The following CADPS variants were observed in gnomAD, a reference collection of about 807,000 sequenced individuals.
CADPS encodes calcium dependent secretion activator, also known as calcium-dependent secretion activator 1.
In CADPS, 57 loss-of-function variants were observed where a neutral mutation model predicts 167.3. That is an observed-to-expected ratio of 0.34 (90% CI 0.28 to 0.42). The LOEUF (loss-of-function observed/expected upper bound fraction) is 0.42, where lower values mean the gene tolerates loss of function less well. Among genes scored for constraint, CADPS ranks in the 20% least tolerant of loss-of-function variants. The pLI is 1.00. For missense variants in CADPS, 1,414 were observed against 1,738.1 expected (o/e 0.81, Z 3.32); for synonymous variants, 676 against 635.3 (o/e 1.06, Z -0.96).
At chr3:62,686,936 T>G (rs75268201) in intron 3 of CADPS, among the ~76,000 whole-genome samples, 6 of 152,064 alleles carry the variant, frequency 3.9e-5, no homozygotes. Flanking sequence ...CCTCCCCACA[T>G]AGTAATGCTC....
intron 1 of CADPS, among the ~76,000 whole-genome samples, chr3:62,819,642 A>C (rs2094805350): frequency 6.6e-6 from 1 of 152,120 alleles, no homozygotes; most frequent in Admixed American, 6.6e-5. Context: ...GTGATTAACG[A>C]TGGGGTTCTT....
At position 62,625,069 on chromosome 3, in the gene CADPS, G is replaced by A. The variant is rs1454180739; in HGVS notation, c.1325+20653C>T. ...CTTGGGTTGACTACAGCTTGTTGGA[G>A]GTGTGGGTAAGGCACTTAGGGTCTT... On this transcript the variant is annotated intron_variant, in intron 6 of 29. Coordinates refer to ENST00000383710, the MANE Select transcript of CADPS (RefSeq NM_003716.4). Among the ~76,000 whole-genome samples the A allele has an allele frequency of 1.3e-5, 2 of 150,512 alleles. 1 individual carries two copies. The highest frequency in any genetic ancestry group is 5.0e-5 in the African/African-American group (2 of 39,970).
chr3:62,522,575 T>A (rs2070953530), intron 13 of CADPS, among the ~76,000 whole-genome samples: 1 of 152,150 alleles, frequency 6.6e-6, no homozygotes, highest in South Asian at 2.1e-4. Flanking sequence ...CCCAGCATCA[T>A]CCTAATAAAC....
chr3:62,713,405 C>T (rs975460416), intron 3 of CADPS, among the ~76,000 whole-genome samples: 1 of 152,202 alleles, frequency 6.6e-6, no homozygotes, highest in Admixed American at 6.5e-5. Context: ...CCCACCAAGG[C>T]CTTGTCAATT....
chr3:62,530,178 TTTC>T (rs2151944049), intron 13 of CADPS, among the ~76,000 whole-genome samples: 1 of 152,316 alleles, frequency 6.6e-6, no homozygotes, highest in African/African-American at 2.4e-5. Flanking sequence ...TTGAGATGAA[TTTC>T]TTTTTATGAG....
chr3:62,835,959 C>T (rs575002748), intron 1 of CADPS, among the ~76,000 whole-genome samples: 1 of 152,164 alleles, frequency 6.6e-6, no homozygotes, highest in Non-Finnish European at 1.5e-5. Flanking sequence ...CAAGCTTCTC[C>T]TTCCCTTATT....
In CADPS at chr3:62,417,282, T is replaced by C. The variant is rs1249272625; in HGVS notation, c.3778-14097A>G. On this transcript the variant is annotated intron_variant, in intron 28 of 29. Transcript: ENST00000383710. ...TAACTATTTTTCTTTTACTCTTTTTTTTTTTTTTTTTTTTTTTTTTTTGAG... is the reference window on the plus strand; with the variant it reads ...TAACTATTTTTCTTTTACTCTTTTTCTTTTTTTTTTTTTTTTTTTTTTGAG... Among the ~76,000 whole-genome samples, 33 of 125,444 alleles carry C rather than the reference T, an allele frequency of 2.6e-4. 4 individuals are homozygous for C. The highest frequency in any genetic ancestry group is 2.3e-3 in the East Asian group (10 of 4,352). 82.3% of individuals were successfully genotyped at this position (125,444 alleles called of 152,430 possible).
intron 1 of CADPS, among the ~76,000 whole-genome samples, chr3:62,785,378 G>C (rs2092318482): frequency 6.6e-6 from 1 of 152,140 alleles, no homozygotes; most frequent in Admixed American, 6.5e-5. Flanking sequence ...TCATTTGTTT[G>C]TGCCACACTG....
At chr3:62,540,832 A>C (rs2152094126) in intron 11 of CADPS, among the ~76,000 whole-genome samples, 1 of 152,254 alleles carries the variant, frequency 6.6e-6, no homozygotes, top group East Asian at 1.9e-4. Flanking sequence ...TGCTCCTTGC[A>C]ACTCCATTTT....
chr3:62,868,952 A>G (rs2082169468), intron 1 of CADPS, among the ~76,000 whole-genome samples: 1 of 152,122 alleles, frequency 6.6e-6, no homozygotes, highest in Non-Finnish European at 1.5e-5. Flanking sequence ...TCAGTTGTTC[A>G]TTAGTGGCAG....
At chr3:62,584,432 G>A (rs2084121540) in intron 8 of CADPS, among the ~76,000 whole-genome samples, 1 of 152,210 alleles carries the variant, frequency 6.6e-6, no homozygotes, top group Non-Finnish European at 1.5e-5. Flanking sequence ...TAGCCAGTTG[G>A]CAGCGTACCT....
rs570975642 is a variant in CADPS, at chr3:62,664,900, CTTAAT to C, written c.889-2511_889-2507del. On this transcript the variant is annotated intron_variant, in intron 3 of 29. Coordinates refer to ENST00000383710, the MANE Select transcript of CADPS (RefSeq NM_003716.4). ...ATGAGTAGGCAAGGTCTACATTAAG[CTTAAT>C]TTATTCTTTTATTCATTACTTCACT... is the stretch of plus-strand genomic sequence containing the variant. 2.7e-3 allele frequency among the ~76,000 whole-genome samples: 413 copies of C among 152,282 alleles called. 1 individual carries two copies. Among genetic ancestry groups the C allele is most frequent in the Non-Finnish European group, 3.7e-3 (250 of 68,012 alleles).
At chr3:62,782,282 T>G (rs2091776580) in intron 1 of CADPS, among the ~76,000 whole-genome samples, 2 of 152,204 alleles carry the variant, frequency 1.3e-5, no homozygotes, top group Non-Finnish European at 2.9e-5. Context: ...GAAGGCCTAA[T>G]TCATCCATCC....
intron 3 of CADPS, among the ~76,000 whole-genome samples, chr3:62,741,580 A>T (rs2080259195): frequency 6.6e-6 from 1 of 152,224 alleles, no homozygotes; most frequent in Admixed American, 6.5e-5. Flanking sequence ...ACATCCATTC[A>T]TGTTAAAAAC....
chr3:62,572,014 A>G (rs544375320), intron 8 of CADPS, among the ~76,000 whole-genome samples: 1 of 152,324 alleles, frequency 6.6e-6, no homozygotes, highest in South Asian at 2.1e-4. Flanking sequence ...ACCGAAATAC[A>G]TTCAAATACC....
chr3:62,646,403 C>G (rs1320161711), intron 5 of CADPS, among the ~76,000 whole-genome samples: 1 of 151,870 alleles, frequency 6.6e-6, no homozygotes, highest in Non-Finnish European at 1.5e-5. Context: ...AACTCCTGAC[C>G]TCAGGCACTA....
intron 3 of CADPS, among the ~76,000 whole-genome samples, chr3:62,718,298 A>G (rs1229366053): frequency 2.6e-5 from 4 of 152,144 alleles, no homozygotes; most frequent in African/African-American, 9.7e-5. Context: ...GAATGAATGA[A>G]TACATTTTTT....
Position 62,874,928 on chromosome 3 carries a change from A to C in CADPS, c.102T>G (p.Ser34=). The C allele has an allele frequency of 1.3e-6, 2 of 1,494,892 alleles. No homozygotes were observed. Among genetic ancestry groups the C allele is most frequent in the Non-Finnish European group, 8.9e-7 (1 of 1,123,488 alleles). 92.6% of individuals were successfully genotyped at this position (1,494,892 alleles called of 1,614,324 possible). A position where few individuals can be genotyped will look rare whatever the true frequency, so the allele number is the denominator to read the frequency against. The part of the protein sequence containing the change: ...LGSAPSGARL[S]PSRTSEGSAG... ...CCGAGCCCTCGCTGGTACGGCTGGGAGACAGGCGCGCGCCGGACGGGGCCG... is the reference window on the plus strand; with the variant it reads ...CCGAGCCCTCGCTGGTACGGCTGGGCGACAGGCGCGCGCCGGACGGGGCCG... The change falls in exon 1 of 30, where the codon TCT becomes TCG. Residue 34 remains serine, a synonymous_variant. Coordinates refer to ENST00000383710, the MANE Select transcript of CADPS (RefSeq NM_003716.4). The surrounding 1 kb of genome is among the most constrained non-coding windows in gnomAD (Gnocchi z 7.1).
intron 1 of CADPS, among the ~76,000 whole-genome samples, chr3:62,863,901 C>G (rs1039019979): frequency 7.9e-5 from 12 of 152,120 alleles, no homozygotes; most frequent in Admixed American, 7.9e-4. Context: ...GGGAAAGAAT[C>G]TGGATGAGAA....
Sources: gnomAD v4.1 joint callset for allele counts (sites outside exome capture counted in the v4.1 genomes callset) on GRCh38, gnomAD v4.1.1 for gene constraint, Gnocchi (gnomAD v3.1) non-coding constraint, MANE v1.5 for transcripts, NCBI Gene and HGNC (gene_info 2026-07-23, HGNC 2026-07-21) for gene names.